RUNDC3B: variants seen among roughly 807,000 people sequenced by gnomAD.
RUNDC3B encodes RUN domain containing 3B.
In RUNDC3B, 33 loss-of-function variants were observed where a neutral mutation model predicts 58.4. That is an observed-to-expected ratio of 0.56 (90% confidence interval 0.43 to 0.75). RUNDC3B has a LOEUF of 0.75. RUNDC3B is among the 30% of genes least tolerant of loss of function. The pLI is 0.00. For synonymous variants in RUNDC3B, 193 were observed against 195.2 expected (o/e 0.99, Z 0.10); for missense variants, 501 against 535.7 (o/e 0.94, Z 0.64).
rs1049201819 is a variant in RUNDC3B at position 87,747,162 on chromosome 7, G to A, written c.629+5583G>A. On this transcript the variant is annotated intron_variant, in intron 6 of 10. Coordinates refer to ENST00000394654, the MANE Select transcript of RUNDC3B (RefSeq NM_001134405.2). ...TGTTCAGATTCTTTTGTCCCACGGG[G>A]TGTTCCCTTGATGTAGTACTCTCCC... Among the ~76,000 whole-genome samples, 17 of 152,176 alleles carry A rather than the reference G, an allele frequency of 1.1e-4. No homozygotes were observed. In the East Asian group the frequency reaches 3.3e-3, roughly 29 times the overall value.
intron 2 of RUNDC3B, among the ~76,000 whole-genome samples, chr7:87,672,233 T>C (rs1825896505): frequency 6.6e-6 from 1 of 152,168 alleles, no homozygotes; most frequent in Admixed American, 6.5e-5. Context: ...AGGAACAGGA[T>C]CAGGTACCTG....
intron 3 of RUNDC3B, among the ~76,000 whole-genome samples, chr7:87,704,135 G>A (rs931656028): frequency 6.6e-6 from 1 of 151,602 alleles, no homozygotes; most frequent in Non-Finnish European, 1.5e-5. Flanking sequence ...TGGCCAGGCT[G>A]GTCTCGAACT....
chr7:87,730,327 T>C (rs1324483732), intron 4 of RUNDC3B, among the ~76,000 whole-genome samples: 2 of 152,018 alleles, frequency 1.3e-5, no homozygotes. Flanking sequence ...TTTCTGGGCC[T>C]GCCCTAGGTG....
At chr7:87,695,035 T>C (rs1828381006) in intron 2 of RUNDC3B, among the ~76,000 whole-genome samples, 1 of 152,136 alleles carries the variant, frequency 6.6e-6, no homozygotes, top group African/African-American at 2.4e-5. Context: ...TGATTCTTAG[T>C]GCCTAAATGA....
At chr7:87,709,848 A>G (rs1829910333) in intron 3 of RUNDC3B, among the ~76,000 whole-genome samples, 1 of 152,230 alleles carries the variant, frequency 6.6e-6, no homozygotes, top group Non-Finnish European at 1.5e-5. Context: ...AGTTCTTACT[A>G]CAAATATGAT....
At chr7:87,639,148 C>T (rs564477606) in intron 1 of RUNDC3B, among the ~76,000 whole-genome samples, 212 of 74,252 alleles carry the variant, frequency 2.9e-3, no homozygotes, top group Admixed American at 4.0e-3. Context: ...AGTGAGACTC[C>T]GTCTCAAAAA....
chr7:87,776,810 T>G (rs1022993311), intron 7 of RUNDC3B, among the ~76,000 whole-genome samples: 4 of 152,034 alleles, frequency 2.6e-5, no homozygotes, highest in Admixed American at 1.3e-4. Flanking sequence ...TTACCTACTC[T>G]TAACATGTAT....
At chr7:87,803,130 G>T (rs1180905639) in intron 8 of RUNDC3B, among the ~76,000 whole-genome samples, 1 of 152,048 alleles carries the variant, frequency 6.6e-6, no homozygotes, top group Non-Finnish European at 1.5e-5. Flanking sequence ...AACTTTTCAG[G>T]GGTTAGCTAG....
chr7:87,748,379 G>C (rs1186830457), intron 6 of RUNDC3B, among the ~76,000 whole-genome samples: 1 of 152,144 alleles, frequency 6.6e-6, no homozygotes, highest in African/African-American at 2.4e-5. Context: ...CCTTCAGAGG[G>C]TCTGTGGGTC....
At chr7:87,777,773 T>C in intron 7 of RUNDC3B, 25 bp from the exon 8 acceptor site, 1 of 1,609,458 alleles carries the variant, frequency 6.2e-7, no homozygotes, top group Non-Finnish European at 8.5e-7. Flanking sequence ...GCAGTTTCTA[T>C]ATCTTGATGA....
intron 2 of RUNDC3B, among the ~76,000 whole-genome samples, chr7:87,659,901 G>T (rs767379268): frequency 5.9e-5 from 9 of 152,040 alleles, no homozygotes; most frequent in Non-Finnish European, 1.3e-4. Flanking sequence ...TTAATGTGAA[G>T]AATTACATCA....
intron 4 of RUNDC3B, among the ~76,000 whole-genome samples, chr7:87,715,872 C>T (rs138674018): frequency 9.9e-5 from 15 of 151,910 alleles, no homozygotes; most frequent in Middle Eastern, 3.4e-3. Flanking sequence ...AGTTTTGAAA[C>T]GGTCTGTATG....
intron 7 of RUNDC3B, among the ~76,000 whole-genome samples, chr7:87,776,806 A>C (rs1182691168): frequency 2.6e-5 from 4 of 152,046 alleles, no homozygotes; most frequent in Non-Finnish European, 5.9e-5. Flanking sequence ...AGTATTACCT[A>C]CTCTTAACAT....
rs532956551 is a variant in RUNDC3B at position 87,748,961 on chromosome 7, G to A, written c.629+7382G>A. Among the ~76,000 whole-genome samples the A allele has an allele frequency of 9.9e-5, 15 of 152,236 alleles. No individual in the cohort carries two copies. The South Asian group carries it at 2.1e-3, about 21-fold the overall frequency. On this transcript the variant is annotated intron_variant, in intron 6 of 10. Coordinates refer to ENST00000394654, the MANE Select transcript of RUNDC3B (RefSeq NM_001134405.2). ...AGCAGGCATAAAATTATACTGTTTT[G>A]GGATACGTTGGATTACTAGGCACCG...
chr7:87,809,186 C>T (rs1584257695), intron 9 of RUNDC3B, among the ~76,000 whole-genome samples: 2 of 152,130 alleles, frequency 1.3e-5, no homozygotes, highest in East Asian at 3.8e-4. Flanking sequence ...AAGGAAACTT[C>T]CTGTTCATCT....
chr7:87,675,170 C>T (rs984128325), intron 2 of RUNDC3B, among the ~76,000 whole-genome samples: 3 of 152,182 alleles, frequency 2.0e-5, no homozygotes, highest in Non-Finnish European at 4.4e-5. Context: ...GCTTAGCCTC[C>T]CCATGCTGGG....
chr7:87,666,683 G>A (rs1311903408), intron 2 of RUNDC3B, among the ~76,000 whole-genome samples: 1 of 152,038 alleles, frequency 6.6e-6, no homozygotes, highest in South Asian at 2.1e-4. Context: ...TAAGGAAGGG[G>A]TCCAGTTTCA....
chr7:87,755,392 G>A (rs1040334084), intron 6 of RUNDC3B, among the ~76,000 whole-genome samples: 5 of 152,108 alleles, frequency 3.3e-5, no homozygotes, highest in African/African-American at 4.8e-5. Flanking sequence ...CTTATTCTAT[G>A]AGGCCAGTAT....
intron 8 of RUNDC3B, among the ~76,000 whole-genome samples, chr7:87,786,920 C>A (rs1835253974): frequency 6.6e-6 from 1 of 152,028 alleles, no homozygotes; most frequent in South Asian, 2.1e-4. Flanking sequence ...TAATTTAATA[C>A]CTTTAATTTT....
Sources: gnomAD v4.1 joint callset for allele counts (sites outside exome capture counted in the v4.1 genomes callset) on GRCh38, gnomAD v4.1.1 for gene constraint, MANE v1.5 for transcripts, NCBI Gene and HGNC (gene_info 2026-07-23, HGNC 2026-07-21) for gene names.